The following NCKAP5 variants were observed in gnomAD, a reference collection of about 807,000 sequenced individuals.
The protein encoded by NCKAP5 is NCK associated protein 5.
Under a neutral mutation model 167.0 loss-of-function variants are expected in NCKAP5, and 92 were observed. That is an observed-to-expected ratio of 0.55 (90% CI 0.47 to 0.66). The LOEUF (loss-of-function observed/expected upper bound fraction) is 0.66. NCKAP5 is among the 30% of genes least tolerant of loss of function. The pLI is 0.00. For missense variants in NCKAP5, 2,378 were observed against 2,315.0 expected (o/e 1.03, Z -0.56); for synonymous variants, 891 against 877.4 (o/e 1.02, Z -0.27).
At chr2:133,166,870 C>T (rs2084022366) in intron 5 of NCKAP5, among the ~76,000 whole-genome samples, 1 of 152,136 alleles carries the variant, frequency 6.6e-6, no homozygotes, top group African/African-American at 2.4e-5. Flanking sequence ...TTTTTGTAGT[C>T]TCTGGCAGTC....
At chr2:133,669,086 A>G in the NCKAP5 span, among the ~76,000 whole-genome samples, 2 of 152,168 alleles carry the variant, frequency 1.3e-5, no homozygotes, top group Non-Finnish European at 2.9e-5. Context: ...TAATCATTAA[A>G]CAGTGATATT....
At chr2:133,396,869 A>T (rs1421341843) in intron 3 of NCKAP5, among the ~76,000 whole-genome samples, 1 of 152,202 alleles carries the variant, frequency 6.6e-6, no homozygotes, top group African/African-American at 2.4e-5. Context: ...AATGGGAAGG[A>T]CACATGCTTG....
chr2:132,851,827 GC>G (rs1240669497), intron 11 of NCKAP5, among the ~76,000 whole-genome samples: 2 of 152,178 alleles, frequency 1.3e-5, no homozygotes, highest in African/African-American at 4.8e-5. Context: ...TTTCAGGGCA[GC>G]TCTTAGACCA....
chr2:133,320,521 G>A (rs1044032820), intron 3 of NCKAP5, among the ~76,000 whole-genome samples: 2 of 152,298 alleles, frequency 1.3e-5, no homozygotes, highest in East Asian at 3.9e-4. Flanking sequence ...GAGGTCAGGA[G>A]ATCGAGACCA....
At chr2:132,996,797 T>C (rs2077615920) in intron 6 of NCKAP5, among the ~76,000 whole-genome samples, 1 of 152,226 alleles carries the variant, frequency 6.6e-6, no homozygotes, top group Admixed American at 6.5e-5. Flanking sequence ...AGTTACTCTA[T>C]GCCAGACACT....
At chr2:132,973,832 A>G (rs1357923582) in intron 7 of NCKAP5, among the ~76,000 whole-genome samples, 1 of 152,192 alleles carries the variant, frequency 6.6e-6, no homozygotes, top group Non-Finnish European at 1.5e-5. Context: ...AAGGCCAGTG[A>G]GAGTTTAGTG....
At chr2:133,183,679 G>C (rs1559236214) in intron 5 of NCKAP5, among the ~76,000 whole-genome samples, 2 of 152,158 alleles carry the variant, frequency 1.3e-5, no homozygotes, top group Non-Finnish European at 2.9e-5. Context: ...AACAAGGTTA[G>C]ACTGTCCACT....
At chr2:133,241,439 A>T (rs2150299339) in intron 4 of NCKAP5, among the ~76,000 whole-genome samples, 1 of 152,338 alleles carries the variant, frequency 6.6e-6, no homozygotes, top group African/African-American at 2.4e-5. Context: ...ACTTATTTAC[A>T]TCATCTTTGC....
rs1263853026 is a variant in NCKAP5, at chr2:132,963,766, C to G, written c.533G>C (p.Gly178Ala). 1.9e-6 allele frequency: 3 copies of G among 1,613,956 alleles called. No homozygotes were observed. Among genetic ancestry groups the G allele is most frequent in the South Asian group, 1.1e-5 (1 of 91,080 alleles). The change falls in exon 8 of 20, where the codon GGA becomes GCA. Residue 178 changes from glycine (G) to alanine (A), a missense_variant. Gly to Ala is a moderately conservative substitution (Grantham distance 60). Transcript: ENST00000409261. ...TAATAGCAATTTGGTCTTTTCTTTTCCCTCATCTGTACTGCTGCTTTCACT... is the reference window on the plus strand; with the variant it reads ...TAATAGCAATTTGGTCTTTTCTTTTGCCTCATCTGTACTGCTGCTTTCACT... Reference protein sequence around the residue: ...SRSESSSTDEGKEKTKLLLER... With the variant: ...SRSESSSTDEAKEKTKLLLER...
chr2:133,518,523 T>G (rs1684212816), intron 2 of NCKAP5, among the ~76,000 whole-genome samples: 1 of 151,510 alleles, frequency 6.6e-6, no homozygotes, highest in Non-Finnish European at 1.5e-5. Context: ...CCAGGCTGAT[T>G]TTTTGTATTT....
intron 8 of NCKAP5, among the ~76,000 whole-genome samples, chr2:132,936,224 T>C (rs962977442): frequency 6.6e-6 from 1 of 152,124 alleles, no homozygotes; most frequent in Non-Finnish European, 1.5e-5. Context: ...TGAAGTGATC[T>C]GCCCGCCTTG....
chr2:133,656,088 A>G, the NCKAP5 span, among the ~76,000 whole-genome samples: 1 of 152,188 alleles, frequency 6.6e-6, no homozygotes, highest in African/African-American at 2.4e-5. Flanking sequence ...CAAACACACA[A>G]CATACACCTT....
intron 3 of NCKAP5, among the ~76,000 whole-genome samples, chr2:133,418,252 G>C (rs1262345852): frequency 6.6e-6 from 1 of 152,190 alleles, no homozygotes; most frequent in Admixed American, 6.5e-5. Flanking sequence ...CAAGTACCTT[G>C]GGTGATGGGC....
intron 5 of NCKAP5, among the ~76,000 whole-genome samples, chr2:133,149,517 A>G (rs1449796383): frequency 6.6e-6 from 1 of 151,066 alleles, no homozygotes; most frequent in Non-Finnish European, 1.5e-5. Flanking sequence ...TGCGCATAAC[A>G]TGCAGGCAAC....
the NCKAP5 span, among the ~76,000 whole-genome samples, chr2:133,582,937 G>A: frequency 6.6e-6 from 1 of 152,124 alleles, no homozygotes; most frequent in East Asian, 1.9e-4. Context: ...AAATTGTTTT[G>A]CAGAACAGCA....
At chr2:133,554,630 T>C (rs1203069106) in intron 2 of NCKAP5, among the ~76,000 whole-genome samples, 1 of 152,168 alleles carries the variant, frequency 6.6e-6, no homozygotes, top group South Asian at 2.1e-4. Context: ...AAGTGAAAGA[T>C]ACAAAATGAA....
chr2:133,479,844 T>C (rs750346382), intron 3 of NCKAP5, among the ~76,000 whole-genome samples: 9 of 151,998 alleles, frequency 5.9e-5, no homozygotes, highest in African/African-American at 9.7e-5. Flanking sequence ...GAAAAAGATA[T>C]AAACTGGTGA....
intron 8 of NCKAP5, among the ~76,000 whole-genome samples, chr2:132,914,368 T>A (rs897464699): frequency 2.0e-5 from 3 of 150,932 alleles, no homozygotes; most frequent in African/African-American, 4.8e-5. Context: ...TGTATAGTCT[T>A]TTATGATAAA....
At chr2:133,435,575 G>T (rs1419419750) in intron 3 of NCKAP5, among the ~76,000 whole-genome samples, 1 of 152,210 alleles carries the variant, frequency 6.6e-6, no homozygotes, top group African/African-American at 2.4e-5. Context: ...TGAGGTGAGA[G>T]AGTAGGCAAG....
Sources: gnomAD v4.1 joint callset for allele counts (sites outside exome capture counted in the v4.1 genomes callset) on GRCh38, gnomAD v4.1.1 for gene constraint, MANE v1.5 for transcripts, NCBI Gene and HGNC (gene_info 2026-07-23, HGNC 2026-07-21) for gene names.